The following DPP10 variants were observed in gnomAD, a reference collection of about 807,000 sequenced individuals.
The protein encoded by DPP10 is dipeptidyl peptidase like 10.
DPP10 carries 33 observed loss-of-function variants against 120.9 expected under a neutral mutation model. The observed-to-expected ratio is 0.27, with a 90% CI of 0.21 to 0.37. The LOEUF (loss-of-function observed/expected upper bound fraction) is 0.37. DPP10 is among the 10% of genes least tolerant of loss of function. The pLI is 1.00. For synonymous variants in DPP10, 337 were observed against 326.1 expected (o/e 1.03, Z -0.36); for missense variants, 816 against 942.8 (o/e 0.87, Z 1.76).
At chr2:115,763,334 A>G (rs1680332338) in intron 12 of DPP10, among the ~76,000 whole-genome samples, 1 of 152,132 alleles carries the variant, frequency 6.6e-6, no homozygotes, top group Admixed American at 6.6e-5. Context: ...CAGACACTTC[A>G]GTGAGTTCTG....
rs535938079 is a variant in DPP10 at position 115,396,354 on chromosome 2, G to A, written c.271+52442G>A. Among the ~76,000 whole-genome samples, 9 of 152,288 alleles carry A rather than the reference G, an allele frequency of 5.9e-5. No homozygotes were observed. In the South Asian group the frequency reaches 1.9e-3, roughly 32 times the overall value. On this transcript the variant is annotated intron_variant, in intron 3 of 25. Coordinates refer to ENST00000410059, the MANE Select transcript of DPP10 (RefSeq NM_020868.6). ...AAATACTGTCCGAGTATATTACTATGTTAGGTGAAAGATTTGTGTTGCTCT... is the reference window on the plus strand; with the variant it reads ...AAATACTGTCCGAGTATATTACTATATTAGGTGAAAGATTTGTGTTGCTCT...
At chr2:114,691,569 G>A (rs1449237714) in intron 1 of DPP10, among the ~76,000 whole-genome samples, 1 of 152,058 alleles carries the variant, frequency 6.6e-6, no homozygotes, top group Non-Finnish European at 1.5e-5. Context: ...TCCGGATGAT[G>A]CTGACCTCAT....
At chr2:114,877,709 G>A (rs996812128) in intron 1 of DPP10, among the ~76,000 whole-genome samples, 2 of 151,972 alleles carry the variant, frequency 1.3e-5, no homozygotes, top group African/African-American at 4.8e-5. Context: ...GATGACAATA[G>A]CATCACGATA....
chr2:114,934,505 A>G (rs1250316625), intron 1 of DPP10, among the ~76,000 whole-genome samples: 1 of 152,092 alleles, frequency 6.6e-6, no homozygotes, highest in African/African-American at 2.4e-5. Flanking sequence ...GTGGGCTGAG[A>G]AGGAGGAGAG....
intron 1 of DPP10, 133 bp downstream of exon 1, chr2:114,442,971 A>G (rs1029286692): frequency 9.0e-7 from 1 of 1,113,924 alleles, no homozygotes; most frequent in Non-Finnish European, 1.3e-6. Flanking sequence ...AGGTTGAGTC[A>G]CAATAAAGCA....
At chr2:114,975,012 G>A (rs1699656524) in intron 1 of DPP10, among the ~76,000 whole-genome samples, 2 of 151,794 alleles carry the variant, frequency 1.3e-5, no homozygotes, top group Admixed American at 6.6e-5. Flanking sequence ...AAACTGACAG[G>A]TGAGATAGAA....
At chr2:114,883,760 C>T (rs1691834673) in intron 1 of DPP10, among the ~76,000 whole-genome samples, 1 of 152,190 alleles carries the variant, frequency 6.6e-6, no homozygotes. Flanking sequence ...TGGGCTCGGG[C>T]TGGGTTCTGA....
At chr2:115,158,226 T>C (rs2052051409) in intron 1 of DPP10, among the ~76,000 whole-genome samples, 1 of 152,232 alleles carries the variant, frequency 6.6e-6, no homozygotes. Context: ...TTGCCACAGA[T>C]ACCAAAACAC....
intron 1 of DPP10, among the ~76,000 whole-genome samples, chr2:114,589,196 G>T (rs1168707700): frequency 1.3e-5 from 2 of 152,102 alleles, no homozygotes; most frequent in African/African-American, 4.8e-5. Flanking sequence ...ACCAAGTGAT[G>T]GCTTGAAGCA....
chr2:115,201,715 G>A (rs1573991580), intron 1 of DPP10, among the ~76,000 whole-genome samples: 1 of 152,122 alleles, frequency 6.6e-6, no homozygotes, highest in African/African-American at 2.4e-5. Flanking sequence ...CTTGAAAAAT[G>A]ACTCCACCTC....
intron 1 of DPP10, among the ~76,000 whole-genome samples, chr2:114,817,096 GC>G (rs1685699419): frequency 1.3e-5 from 2 of 152,168 alleles, no homozygotes; most frequent in South Asian, 4.1e-4. Context: ...TTTAAAGGCA[GC>G]TTTTAATAAG....
intron 19 of DPP10, among the ~76,000 whole-genome samples, chr2:115,804,458 G>A (rs139247717): frequency 0.013 from 1,974 of 152,274 alleles, 45 homozygotes; most frequent in African/African-American, 0.043. Context: ...ATGCAGCTTC[G>A]TTCCGTTGCT....
intron 3 of DPP10, among the ~76,000 whole-genome samples, chr2:115,360,243 A>G (rs552973319): frequency 1.3e-5 from 2 of 152,192 alleles, no homozygotes; most frequent in African/African-American, 4.8e-5. Context: ...GTGTTATTTT[A>G]TCTTTCAGAA....
intron 2 of DPP10, among the ~76,000 whole-genome samples, chr2:115,320,045 A>G (rs1003976212): frequency 2.0e-5 from 3 of 152,194 alleles, no homozygotes; most frequent in African/African-American, 4.8e-5. Context: ...CATTCAAACC[A>G]TAGCATATAA....
chr2:115,829,769 T>C (rs1176718065), intron 21 of DPP10, among the ~76,000 whole-genome samples: 1 of 152,096 alleles, frequency 6.6e-6, no homozygotes, highest in East Asian at 1.9e-4. Context: ...TGTTTTAATT[T>C]TTATTGTAAA....
At chr2:114,477,934 T>G (rs1284681935) in intron 1 of DPP10, among the ~76,000 whole-genome samples, 1 of 150,862 alleles carries the variant, frequency 6.6e-6, no homozygotes, top group African/African-American at 2.4e-5. Flanking sequence ...TATGTACATA[T>G]GTGTATATAT....
At chr2:115,142,426 C>T (rs2050979002) in intron 1 of DPP10, among the ~76,000 whole-genome samples, 1 of 152,144 alleles carries the variant, frequency 6.6e-6, no homozygotes, top group Non-Finnish European at 1.5e-5. Context: ...TCATAGATAG[C>T]ATGGACCCAG....
chr2:115,430,018 A>C (rs1341196263), intron 3 of DPP10, among the ~76,000 whole-genome samples: 1 of 152,198 alleles, frequency 6.6e-6, no homozygotes. Flanking sequence ...TTGGAAAAAG[A>C]GCAGGGACAC....
intron 1 of DPP10, among the ~76,000 whole-genome samples, chr2:114,443,052 T>TC (rs540026528): frequency 2.3e-3 from 332 of 143,826 alleles, no homozygotes; most frequent in Non-Finnish European, 4.1e-3. Flanking sequence ...CTTCATGACT[T>TC]TTTTTTTTTT....
Sources: allele counts gnomAD v4.1 joint callset (sites outside exome capture counted in the v4.1 genomes callset), GRCh38; gene constraint gnomAD v4.1.1; transcripts MANE v1.5; gene names NCBI Gene and HGNC (gene_info 2026-07-23, HGNC 2026-07-21).